ZNF500: variants seen among roughly 807,000 people sequenced by gnomAD.
ZNF500 encodes zinc finger protein 500.
ZNF500 carries 31 observed loss-of-function variants against 30.1 expected under a neutral mutation model. The ratio of observed to expected loss-of-function variants is 1.03; its 90% CI spans 0.77 to 1.39. The LOEUF is 1.39. ZNF500 is among the 40% of genes most tolerant of loss of function. ZNF500 has a pLI of 0.00. For missense variants in ZNF500, 817 were observed against 657.8 expected (o/e 1.24, Z -2.65); for synonymous variants, 392 against 282.0 (o/e 1.39, Z -3.91).
At chr16:4,766,128 C>G (rs1300648632) in intron 1 of ZNF500, 52 bp from the exon 2 acceptor site, 1 of 966,818 alleles carries the variant, frequency 1.0e-6, no homozygotes, top group Non-Finnish European at 1.4e-6. Flanking sequence ...GCTGGATAAG[C>G]CCTTTGGCCT....
In ZNF500 at chr16:4,762,595, G is replaced by C. The variant is rs753303320; in HGVS notation, c.576C>G (p.Gly192=). Residue 192 remains glycine, a synonymous_variant, in exon 3 of 6, where the codon GGC becomes GGG. Coordinates refer to ENST00000219478, the MANE Select transcript of ZNF500 (RefSeq NM_021646.4). ...CACCTCTCTCTGGCCACAACAGCGG[G>C]CCCCTCTGTGGCCTGTGGCTCAGCT... ...PAQLSHRPQR[G]PLLWPERGPP... The C allele has an allele frequency of 6.2e-7, 1 of 1,613,506 alleles. No homozygotes were observed. Among genetic ancestry groups the C allele is most frequent in the South Asian group, 1.1e-5 (1 of 91,036 alleles).
downstream of ZNF500, chr16:4,746,889 G>A: frequency 6.7e-7 from 1 of 1,499,998 alleles, no homozygotes. Flanking sequence ...ACACCAGGTG[G>A]AGTGGGCACA....
intron 5 of ZNF500, chr16:4,756,491 A>G (rs550136410): frequency 6.6e-6 from 1 of 150,712 alleles, no homozygotes; most frequent in Non-Finnish European, 1.5e-5. Flanking sequence ...CTCAATTAAG[A>G]AAAAAAAATG....
intron 4 of ZNF500, among the ~76,000 whole-genome samples, chr16:4,761,954 CTG>C (rs2082206509): frequency 6.6e-6 from 1 of 152,210 alleles, no homozygotes; most frequent in East Asian, 1.9e-4. Flanking sequence ...TGGGAGGAAG[CTG>C]TGTTTTCCCC....
At chr16:4,746,278 G>A, downstream of ZNF500, 1 of 1,329,076 alleles carries the variant, frequency 7.5e-7, no homozygotes, top group South Asian at 1.4e-5. Flanking sequence ...GCACTCACTG[G>A]GTGGCAGCCA....
chr16:4,745,518 T>G (rs373119370), downstream of ZNF500, among the ~76,000 whole-genome samples: 9 of 152,232 alleles, frequency 5.9e-5, no homozygotes, highest in East Asian at 9.6e-4. Flanking sequence ...GGCCCCAGGG[T>G]CCCGTAAGGC....
intron 5 of ZNF500, among the ~76,000 whole-genome samples, chr16:4,754,641 G>A (rs918267743): frequency 6.6e-6 from 1 of 150,572 alleles, no homozygotes; most frequent in Non-Finnish European, 1.5e-5. Context: ...TCCAGCCTGG[G>A]CGACAGAGCG....
rs771772467 is a variant in ZNF500, at chr16:4,751,256, G to A, written c.*1120C>T. The A allele has an allele frequency of 1.4e-5, 4 of 293,382 alleles. No homozygotes were observed. Among genetic ancestry groups the A allele is most frequent in the Non-Finnish European group, 2.6e-5 (4 of 154,812 alleles). The allele number at this position is 293,382 out of a possible 1,614,324, so 18.2% of individuals were successfully genotyped here. ...ATGTGCACAGACCAGTGGCTCCCAC[G>A]CAGCACAGGCCAGACAAAAGCTGGA... On this transcript the variant is annotated 3_prime_UTR_variant, in exon 6 of 6. Coordinates refer to ENST00000219478, the MANE Select transcript of ZNF500 (RefSeq NM_021646.4).
chr16:4,762,717 T>A lies in ZNF500; in HGVS notation c.454A>T (p.Ile152Leu). 1 of 1,612,748 alleles carries A rather than the reference T, an allele frequency of 6.2e-7. No homozygotes were observed. The highest frequency in any genetic ancestry group is 1.7e-4 in the Middle Eastern group (1 of 6,056). The change falls in exon 3 of 6, where the codon ATA becomes TTA. Residue 152 changes from isoleucine (I) to leucine (L), a missense_variant. Transcript: ENST00000219478. ...LLSDDEVPLG[I>L]GGQFLKHQAE... ...TGGTGTTTTAAGAACTGTCCCCCTA[T>A]CCCGAGGGGCACCTCGTCATCAGAA...
chr16:4,752,175 A>C lies in ZNF500; in HGVS notation c.*201T>G. 2 of 1,402,426 alleles carry C rather than the reference A, an allele frequency of 1.4e-6. No individual in the cohort carries two copies. Among genetic ancestry groups the C allele is most frequent in the Non-Finnish European group, 1.8e-6 (2 of 1,084,104 alleles). 86.9% of individuals were successfully genotyped at this position (1,402,426 alleles called of 1,614,324 possible). ...GTTCTGGCTGCCACTGGACACTCAGAGCCTGTCCTTGCCCTTGTTCTGCAC... is the reference window on the plus strand; with the variant it reads ...GTTCTGGCTGCCACTGGACACTCAGCGCCTGTCCTTGCCCTTGTTCTGCAC... On this transcript the variant is annotated 3_prime_UTR_variant, in exon 6 of 6. Transcript: ENST00000219478.
In ZNF500 at chr16:4,749,502, C is replaced by T. The variant is rs2142219708; in HGVS notation, c.*2874G>A. 6.5e-6 allele frequency: 1 copy of T among 154,306 alleles called. No homozygotes were observed. Among genetic ancestry groups the T allele is most frequent in the Admixed American group, 6.5e-5 (1 of 15,316 alleles). The allele number at this position is 154,306 out of a possible 1,614,324, so 9.6% of individuals were successfully genotyped here. A position where few individuals can be genotyped will look rare whatever the true frequency, so the allele number is the denominator to read the frequency against. ...GGCAAGGTTTTCACGCTCCCAGTGCCCAGTTCCTCCACCCACAGAAGGAGA... is the reference window on the plus strand; with the variant it reads ...GGCAAGGTTTTCACGCTCCCAGTGCTCAGTTCCTCCACCCACAGAAGGAGA... On this transcript the variant is annotated 3_prime_UTR_variant, in exon 6 of 6. Coordinates refer to ENST00000219478, the MANE Select transcript of ZNF500 (RefSeq NM_021646.4).
At position 4,752,620 on chromosome 16, in the gene ZNF500, C is replaced by T. The variant is rs199710257; in HGVS notation, c.1199G>A (p.Arg400His). The T allele has an allele frequency of 1.1e-5, 18 of 1,607,274 alleles. No homozygotes were observed. In the East Asian group the frequency reaches 1.1e-4, roughly 10 times the overall value. ...GGGCCGCTCCCCGCTGTGTGTCCTG[C>T]GGTGGATGACCAGGCTGGAGCTCTG... is the stretch of plus-strand genomic sequence containing the variant. ...FSQSSSLVIH[R>H]RTHSGERPYA... The change falls in exon 6 of 6, where the codon CGC becomes CAC. Residue 400 changes from arginine to histidine, a missense_variant. Physicochemically the swap from Arg to His is conservative, Grantham distance 29. Transcript: ENST00000219478.
At chr16:4,754,164 G>A (rs1346069280) in intron 5 of ZNF500, among the ~76,000 whole-genome samples, 2 of 152,158 alleles carry the variant, frequency 1.3e-5, no homozygotes, top group African/African-American at 4.8e-5. Flanking sequence ...GAGGCTCTGC[G>A]CATGGTAGGC....
chr16:4,765,494 G>A (rs2082254114), intron 2 of ZNF500, 71 bp downstream of exon 2: 1 of 1,517,024 alleles, frequency 6.6e-7, no homozygotes, highest in Non-Finnish European at 8.8e-7. Flanking sequence ...AATGACCAAG[G>A]AATCTGCAGC....
At chr16:4,760,323 G>A (rs1215908790) in intron 5 of ZNF500, among the ~76,000 whole-genome samples, 169 bp downstream of exon 5, 1 of 152,134 alleles carries the variant, frequency 6.6e-6, no homozygotes, top group African/African-American at 2.4e-5. Context: ...AGTCACGGCC[G>A]AGTGGCTGTG....
At chr16:4,746,715 C>A, downstream of ZNF500, 1 of 818,516 alleles carries the variant, frequency 1.2e-6, no homozygotes, top group Non-Finnish European at 1.9e-6. Flanking sequence ...CCTCCTCGGG[C>A]TGGGCTCTAT....
chr16:4,760,646 A>C, intron 4 of ZNF500, 58 bp from the exon 5 acceptor site: 4 of 1,491,200 alleles, frequency 2.7e-6, no homozygotes, highest in Non-Finnish European at 2.8e-6. Flanking sequence ...CTCCCCAACT[A>C]AGGCCACTGG....
In ZNF500 at chr16:4,748,865, G is replaced by A. The variant is rs1168475007; in HGVS notation, c.*3511C>T. The A allele has an allele frequency of 6.6e-6, 1 of 152,346 alleles. No individual in the cohort carries two copies. Among genetic ancestry groups the A allele is most frequent in the East Asian group, 1.9e-4 (1 of 5,202 alleles). The allele number at this position is 152,346 out of a possible 1,614,324, so 9.4% of individuals were successfully genotyped here. A position where few individuals can be genotyped will look rare whatever the true frequency, so the allele number is the denominator to read the frequency against. ...CCAGCTTCCCCTGGGGTTCACCCCT[G>A]GCTGCCAGGCCACTGAGGATGGGCA... On this transcript the variant is annotated 3_prime_UTR_variant, in exon 6 of 6. Transcript: ENST00000219478.
Position 4,751,366 on chromosome 16 carries a change from G to A in ZNF500, c.*1010C>T. The A allele has an allele frequency of 1.8e-5, 10 of 542,296 alleles. No individual in the cohort carries two copies. In the South Asian group the frequency reaches 2.1e-4, roughly 11 times the overall value. The allele number at this position is 542,296 out of a possible 1,614,324, so 33.6% of individuals were successfully genotyped here. On this transcript the variant is annotated 3_prime_UTR_variant, in exon 6 of 6. Coordinates refer to ENST00000219478, the MANE Select transcript of ZNF500 (RefSeq NM_021646.4). ...AGACACTAAGGGGCCAGGAGCAAAC[G>A]CAGCCCTGGGCCCCGGCCCTGGGGA...
Sources: gnomAD v4.1 joint callset for allele counts (sites outside exome capture counted in the v4.1 genomes callset) on GRCh38, gnomAD v4.1.1 for gene constraint, MANE v1.5 for transcripts, NCBI Gene and HGNC (gene_info 2026-07-23, HGNC 2026-07-21) for gene names.